The following LRCH3 variants were observed in gnomAD, a reference collection of about 807,000 sequenced individuals.
The protein encoded by LRCH3 is DISP complex protein LRCH3.
In LRCH3, 68 loss-of-function variants were observed where a neutral mutation model predicts 104.5. The observed-to-expected ratio is 0.65, with a 90% CI of 0.54 to 0.80. The LOEUF is 0.80. LRCH3 is among the 30% of genes least tolerant of loss of function. The pLI, the probability that LRCH3 is intolerant of heterozygous loss-of-function variation, is 0.00. For missense variants in LRCH3, 951 were observed against 953.9 expected (o/e 1.00, Z 0.04); for synonymous variants, 344 against 361.3 (o/e 0.95, Z 0.54).
chr3:197,835,609 C>G, intron 8 of LRCH3, 65 bp from the exon 9 acceptor site: 1 of 1,350,470 alleles, frequency 7.4e-7, no homozygotes, highest in Non-Finnish European at 9.7e-7. Flanking sequence ...CTTTTATTGG[C>G]TATCTAATTT....
chr3:197,834,399 T>C (rs1215230373), intron 8 of LRCH3, among the ~76,000 whole-genome samples: 1 of 152,238 alleles, frequency 6.6e-6, no homozygotes, highest in Admixed American at 6.5e-5. Context: ...TGCTGACCTC[T>C]AGCAGATAGT....
intron 1 of LRCH3, among the ~76,000 whole-genome samples, chr3:197,797,917 C>G (rs565963058): frequency 4.7e-5 from 7 of 148,274 alleles, no homozygotes; most frequent in Non-Finnish European, 1.0e-4. Context: ...AATCCTAAAA[C>G]CAGAAGGAAC....
At chr3:197,824,715 GAGCC>G in intron 4 of LRCH3, among the ~76,000 whole-genome samples, 1 of 151,224 alleles carries the variant, frequency 6.6e-6, no homozygotes, top group African/African-American at 2.4e-5. Context: ...GGGATTATAG[GAGCC>G]CGCCACCACG....
intron 1 of LRCH3, among the ~76,000 whole-genome samples, chr3:197,806,325 C>A (rs376863572): frequency 1.3e-5 from 2 of 151,538 alleles, no homozygotes; most frequent in East Asian, 2.0e-4. Flanking sequence ...AGGGATCTTA[C>A]TGTGTTGCCC....
intron 1 of LRCH3, among the ~76,000 whole-genome samples, chr3:197,809,560 A>G (rs889230441): frequency 1.3e-5 from 2 of 150,688 alleles, no homozygotes; most frequent in East Asian, 1.9e-4. Flanking sequence ...TTACAGTCCC[A>G]TAAGTCCTTG....
At chr3:197,861,883 T>G (rs2109469477) in intron 15 of LRCH3, among the ~76,000 whole-genome samples, 1 of 152,362 alleles carries the variant, frequency 6.6e-6, no homozygotes, top group African/African-American at 2.4e-5. Flanking sequence ...TGCAAGTCAC[T>G]TAGATTTATA....
chr3:197,807,521 G>A lies in LRCH3; in HGVS notation c.263-7387G>A, dbSNP rs114233752. ...CAGGTGTGAGCCACCATGCCCGGCC[G>A]CATCATGTTTTTAAATCCACTTTGC... On this transcript the variant is annotated intron_variant, in intron 1 of 20. Transcript: ENST00000425562. 8.3e-3 allele frequency among the ~76,000 whole-genome samples: 1,261 copies of A among 152,048 alleles called. 15 individuals carry two copies. Among genetic ancestry groups the A allele is most frequent in the African/African-American group, 0.029 (1,189 of 41,476 alleles).
At chr3:197,860,445 C>T (rs1286349459) in intron 15 of LRCH3, among the ~76,000 whole-genome samples, 2 of 152,176 alleles carry the variant, frequency 1.3e-5, no homozygotes, top group Admixed American at 1.3e-4. Context: ...TGGCTCACAC[C>T]TGTAATCCCA....
chr3:197,805,725 C>T (rs1366714882), intron 1 of LRCH3, among the ~76,000 whole-genome samples: 1 of 151,500 alleles, frequency 6.6e-6, no homozygotes, highest in Non-Finnish European at 1.5e-5. Flanking sequence ...GGTAAGATCT[C>T]TAGGCATCTC....
At chr3:197,830,507 G>T (rs1735789836) in intron 6 of LRCH3, among the ~76,000 whole-genome samples, 1 of 152,196 alleles carries the variant, frequency 6.6e-6, no homozygotes. Context: ...CACAGTCCTA[G>T]TAAACTCGCC....
intron 20 of LRCH3, chr3:197,881,804 T>G: frequency 1.0e-6 from 1 of 985,384 alleles, no homozygotes; most frequent in Non-Finnish European, 1.2e-6. Context: ...GAGCATAATA[T>G]CCGGTTTAGA....
At chr3:197,846,144 C>T (rs77098139) in intron 10 of LRCH3, among the ~76,000 whole-genome samples, 1 of 151,406 alleles carries the variant, frequency 6.6e-6, no homozygotes, top group African/African-American at 2.4e-5. Context: ...GGCCCACACC[C>T]GTAATCCCAG....
At chr3:197,848,142 C>G in intron 12 of LRCH3, 121 bp downstream of exon 12, 1 of 912,390 alleles carries the variant, frequency 1.1e-6, no homozygotes, top group African/African-American at 1.7e-5. Context: ...TGTAAGGAAT[C>G]TTGACTAAAT....
chr3:197,852,879 G>A (rs561409628), intron 13 of LRCH3, among the ~76,000 whole-genome samples: 9 of 152,118 alleles, frequency 5.9e-5, no homozygotes, highest in East Asian at 1.9e-4. Context: ...CACCGTCCCC[G>A]TCTCCTCCAC....
intron 2 of LRCH3, among the ~76,000 whole-genome samples, chr3:197,815,670 A>C (rs999690184): frequency 2.6e-5 from 4 of 152,204 alleles, no homozygotes; most frequent in Non-Finnish European, 5.9e-5. Context: ...AATAGATCTG[A>C]AATTACTTTG....
rs960541833 is a variant in LRCH3 at position 197,858,778 on chromosome 3, C to T, written c.1645-56C>T. ...TCACTAGTCAGATCTGCCTGCCTGA[C>T]ATTTGCTAACATAAATGCTGCCTTC... On this transcript the variant is annotated intron_variant, in intron 14 of 20. Coordinates refer to ENST00000425562, the MANE Select transcript of LRCH3 (RefSeq NM_001365715.1). 2.4e-5 allele frequency: 34 copies of T among 1,397,498 alleles called. No individual in the cohort carries two copies. The African/African-American group carries it at 4.7e-4, about 19-fold the overall frequency. 86.6% of individuals were successfully genotyped at this position (1,397,498 alleles called of 1,614,324 possible).
chr3:197,835,653 G>T (rs767347913), intron 8 of LRCH3, 21 bp from the exon 9 acceptor site: 1 of 1,590,888 alleles, frequency 6.3e-7, no homozygotes, highest in Non-Finnish European at 8.6e-7. Context: ...GTGTGTGTGG[G>T]TGTGTGTGTG....
intron 12 of LRCH3, among the ~76,000 whole-genome samples, chr3:197,849,729 T>C (rs985251998): frequency 6.6e-6 from 1 of 152,278 alleles, no homozygotes; most frequent in Admixed American, 6.5e-5. Flanking sequence ...TCATTTATAG[T>C]ACATTTGTTT....
intron 7 of LRCH3, 124 bp from the exon 8 acceptor site, chr3:197,832,073 C>G (rs1560554320): frequency 1.1e-6 from 1 of 908,220 alleles, no homozygotes; most frequent in East Asian, 2.8e-5. Flanking sequence ...GTGAGCACAT[C>G]TAGCTAATTT....
Sources: gnomAD v4.1 joint callset for allele counts (sites outside exome capture counted in the v4.1 genomes callset) on GRCh38, gnomAD v4.1.1 for gene constraint, MANE v1.5 for transcripts, NCBI Gene and HGNC (gene_info 2026-07-23, HGNC 2026-07-21) for gene names.